CHD6: variants seen among roughly 807,000 people sequenced by gnomAD.
CHD6 encodes the protein ATP-dependent chromatin remodeler CHD6.
Under a neutral mutation model 276.9 loss-of-function variants are expected in CHD6, and 50 were observed. That is an observed-to-expected ratio of 0.18 (90% confidence interval 0.14 to 0.23). The LOEUF (loss-of-function observed/expected upper bound fraction) is 0.23. CHD6 is among the 10% of genes least tolerant of loss of function. CHD6 has a pLI of 1.00. For synonymous variants in CHD6, 1,173 were observed against 1,229.3 expected, an observed-to-expected ratio of 0.95 and a Z score of 0.96; for missense variants, 2,564 against 3,365.8, an observed-to-expected ratio of 0.76 and a Z score of 5.89.
chr20:41,489,759 G>C lies in CHD6; in HGVS notation c.1680+19C>G. ...GAGCTTAGGCAGTCCCTGGGTCTCT[G>C]ATCTCACGTGAGGCTCACCTGGGCG... On this transcript the variant is annotated intron_variant, in intron 12 of 36. Transcript: ENST00000373233. The C allele has an allele frequency of 1.2e-6, 2 of 1,613,624 alleles. No individual in the cohort carries two copies. Among genetic ancestry groups the C allele is most frequent in the Non-Finnish European group, 1.7e-6 (2 of 1,179,704 alleles).
chr20:41,555,089 C>A (rs1347377748), intron 1 of CHD6, among the ~76,000 whole-genome samples: 5 of 142,580 alleles, frequency 3.5e-5, no homozygotes, highest in African/African-American at 5.3e-5. Flanking sequence ...CTGGACGGGG[C>A]GGCTTGCCGG....
intron 23 of CHD6, among the ~76,000 whole-genome samples, chr20:41,448,797 G>A (rs899814809): frequency 2.6e-5 from 4 of 152,132 alleles, no homozygotes; most frequent in Admixed American, 2.6e-4. Flanking sequence ...CAAGTTGTAG[G>A]TGGAAACACA....
At chr20:41,449,770 A>G (rs1168329228) in intron 23 of CHD6, among the ~76,000 whole-genome samples, 1 of 152,236 alleles carries the variant, frequency 6.6e-6, no homozygotes, top group African/African-American at 2.4e-5. Context: ...TCCTACAAAC[A>G]AAACATACAT....
rs7266942 is a variant in CHD6, at chr20:41,616,235, T to C, written c.-24+2105A>G. 5.2e-3 allele frequency among the ~76,000 whole-genome samples: 788 copies of C among 152,196 alleles called. 10 individuals carry two copies. Among genetic ancestry groups the C allele is most frequent in the Middle Eastern group, 0.024 (7 of 294 alleles). On this transcript the variant is annotated intron_variant, in intron 1 of 36. Coordinates refer to ENST00000373233, the MANE Select transcript of CHD6 (RefSeq NM_032221.5). ...AGAACTTCCCCAACTACATGAATAA[T>C]AAATTATAAAAATTATAAAGATATA... is the stretch of plus-strand genomic sequence containing the variant.
chr20:41,580,136 G>A lies in CHD6; in HGVS notation c.-23-28776C>T, dbSNP rs570383862. On this transcript the variant is annotated intron_variant, in intron 1 of 36. Coordinates refer to ENST00000373233, the MANE Select transcript of CHD6 (RefSeq NM_032221.5). ...CAGTCTACTACATGTATAGAAGATG[G>A]CACTGTTCGAATGCTATAAACTACT... 2.0e-5 allele frequency among the ~76,000 whole-genome samples: 3 copies of A among 152,224 alleles called. No homozygotes were observed. In the East Asian group the frequency reaches 5.8e-4, roughly 29 times the overall value.
chr20:41,455,210 C>G (rs1364064866), intron 19 of CHD6, among the ~76,000 whole-genome samples: 1 of 152,172 alleles, frequency 6.6e-6, no homozygotes. Context: ...AAAAAACTTT[C>G]AGGTGTCACC....
intron 3 of CHD6, among the ~76,000 whole-genome samples, chr20:41,521,339 G>A (rs549041161): frequency 6.6e-6 from 1 of 152,144 alleles, no homozygotes; most frequent in Non-Finnish European, 1.5e-5. Flanking sequence ...TAGTTAAATG[G>A]TGAAGTGACT....
intron 1 of CHD6, among the ~76,000 whole-genome samples, chr20:41,572,503 C>T (rs1189957579): frequency 6.6e-6 from 1 of 152,162 alleles, no homozygotes; most frequent in Admixed American, 6.5e-5. Flanking sequence ...TTTCCTGCAG[C>T]CCTCCTAAAA....
intron 2 of CHD6, among the ~76,000 whole-genome samples, chr20:41,538,581 T>C (rs2044880866): frequency 6.6e-6 from 1 of 152,242 alleles, no homozygotes; most frequent in South Asian, 2.1e-4. Flanking sequence ...ATCTTGTGAA[T>C]ATTCTAAAAA....
At chr20:41,431,844 AG>A (rs1449773783) in intron 27 of CHD6, among the ~76,000 whole-genome samples, 1 of 144,688 alleles carries the variant, frequency 6.9e-6, no homozygotes, top group Admixed American at 7.3e-5. Context: ...CGGAAATGGC[AG>A]AGGCAGACAA....
intron 30 of CHD6, among the ~76,000 whole-genome samples, chr20:41,422,995 G>C (rs1326420471): frequency 6.6e-6 from 1 of 152,218 alleles, no homozygotes; most frequent in East Asian, 1.9e-4. Context: ...GAGGCCTGAA[G>C]GAAGCTGTTG....
chr20:41,496,968 G>A (rs1056449206), intron 8 of CHD6: 2 of 177,356 alleles, frequency 1.1e-5, no homozygotes, highest in Non-Finnish European at 2.5e-5. Flanking sequence ...AAATTCCCAA[G>A]TTTACATAAA....
At chr20:41,546,872 T>C (rs541746311) in intron 2 of CHD6, among the ~76,000 whole-genome samples, 26 of 152,376 alleles carry the variant, frequency 1.7e-4, no homozygotes, top group South Asian at 2.1e-4. Flanking sequence ...AACGATTCTT[T>C]AGGCAAAACA....
In CHD6 at chr20:41,425,177, C is replaced by A; in HGVS notation, c.4346+1G>T. The A allele has an allele frequency of 6.2e-7, 1 of 1,613,976 alleles. No individual in the cohort carries two copies. The highest frequency in any genetic ancestry group is 2.2e-5 in the East Asian group (1 of 44,890). On this transcript the variant is annotated splice_donor_variant, in intron 29 of 36. Coordinates refer to ENST00000373233, the MANE Select transcript of CHD6 (RefSeq NM_032221.5). LOFTEE classifies it high-confidence loss of function. ...ATGCCCCTTTGGCCACTGGCTTTTA[C>A]CTCTTTTGGGCTTCCTTGTTGATGA...
Position 41,420,626 on chromosome 20 carries a change from A to G in CHD6, c.6009T>C (p.Ser2003=). Residue 2003 remains serine, a synonymous_variant, in exon 31 of 37, where the codon AGT becomes AGC. Coordinates refer to ENST00000373233, the MANE Select transcript of CHD6 (RefSeq NM_032221.5). The stretch of plus-strand genomic sequence containing the variant: ...TGGGGAAAACGTTTTGCCCCTCTGC[A>G]CTTTCTTTCCAAGGTTCTTTTAAAA... The part of the protein sequence containing the change: ...HELLKEPWKE[S]AEGQNVFPTY... The G allele has an allele frequency of 6.2e-7, 1 of 1,614,196 alleles. No individual in the cohort carries two copies. The highest frequency in any genetic ancestry group is 8.5e-7 in the Non-Finnish European group (1 of 1,180,014).
chr20:41,587,533 T>G (rs1159448571), intron 1 of CHD6, among the ~76,000 whole-genome samples: 1 of 152,196 alleles, frequency 6.6e-6, no homozygotes, highest in African/African-American at 2.4e-5. Context: ...GTTCACACCA[T>G]AAGGTTAGTA....
Position 41,404,100 on chromosome 20 carries a change from G to A in CHD6, c.*493C>T. 1 of 1,051,508 alleles carries A rather than the reference G, an allele frequency of 9.5e-7. No homozygotes were observed. 65.1% of individuals were successfully genotyped at this position (1,051,508 alleles called of 1,614,324 possible). A position where few individuals can be genotyped will look rare whatever the true frequency, so the allele number is the denominator to read the frequency against. On this transcript the variant is annotated 3_prime_UTR_variant, in exon 37 of 37. Transcript: ENST00000373233. ...CTCACTTAGTAATCATGATAAAATA[G>A]GGAAATATTTTAACTCAAAAATATG...
chr20:41,423,392 G>C (rs1600823092), intron 30 of CHD6, 100 bp downstream of exon 30: 1 of 1,093,368 alleles, frequency 9.1e-7, no homozygotes, highest in East Asian at 2.4e-5. Flanking sequence ...TCCTCATGTA[G>C]ACTCTAGTTT....
At chr20:41,587,830 CA>C (rs10718241) in intron 1 of CHD6, among the ~76,000 whole-genome samples, 57,888 of 151,450 alleles carry the variant, frequency 0.38, 13,731 homozygotes, top group African/African-American at 0.65. Context: ...AAAAACAAAC[CA>C]AAAAAAACCC....
Sources: allele counts gnomAD v4.1 joint callset (sites outside exome capture counted in the v4.1 genomes callset), GRCh38; gene constraint gnomAD v4.1.1; transcripts MANE v1.5; gene names NCBI Gene and HGNC (gene_info 2026-07-23, HGNC 2026-07-21).